LINGO2: variants seen among roughly 807,000 people sequenced by gnomAD.
LINGO2 encodes the protein leucine-rich repeat and immunoglobulin-like domain-containing nogo receptor-interacting protein 2.
LINGO2 carries 14 observed loss-of-function variants against 30.6 expected under a neutral mutation model. The observed-to-expected ratio is 0.46, with a 90% CI of 0.30 to 0.72. The LOEUF is 0.72. Among genes scored for constraint, LINGO2 ranks in the 30% least tolerant of loss-of-function variants. The pLI is 0.07. For synonymous variants in LINGO2, 317 were observed against 288.5 expected (o/e 1.10, Z -1.00); for missense variants, 729 against 751.7 (o/e 0.97, Z 0.35).
chr9:28,880,364 G>A, the LINGO2 span, among the ~76,000 whole-genome samples: 1 of 152,186 alleles, frequency 6.6e-6, no homozygotes, highest in East Asian at 1.9e-4. Flanking sequence ...CCAACCTGGA[G>A]CTCACAAAAA....
In LINGO2 at chr9:28,292,105, T is replaced by C. The variant is rs561725167; in HGVS notation, c.-87+3103A>G. Among the ~76,000 whole-genome samples the C allele has an allele frequency of 3.9e-5, 6 of 152,324 alleles. No individual in the cohort carries two copies. The South Asian group carries it at 1.2e-3, about 32-fold the overall frequency. The stretch of plus-strand genomic sequence containing the variant: ...TTATCCTAAATGAAGCCAAGTGAGT[T>C]ATCTGCATCATTTGATCTGTGGAAG... On this transcript the variant is annotated intron_variant, in intron 4 of 5. Coordinates refer to ENST00000379992, the Ensembl canonical transcript of LINGO2.
the LINGO2 span, among the ~76,000 whole-genome samples, chr9:29,118,537 G>C: frequency 4.7e-4 from 71 of 152,230 alleles, no homozygotes; most frequent in African/African-American, 1.7e-3. Context: ...ATCCAGAGAG[G>C]ACATTGTAGA....
chr9:28,685,827 G>T, the LINGO2 span, among the ~76,000 whole-genome samples: 3 of 152,144 alleles, frequency 2.0e-5, no homozygotes, highest in Admixed American at 6.5e-5. Context: ...CTAGACATAC[G>T]TATTTCCTCA....
chr9:27,970,970 A>G (rs771818775), intron 5 of LINGO2, among the ~76,000 whole-genome samples: 2 of 151,300 alleles, frequency 1.3e-5, no homozygotes, highest in South Asian at 2.1e-4. Context: ...GAGTTTCCCA[A>G]TGTCAAGGAT....
At chr9:28,850,672 T>A in the LINGO2 span, among the ~76,000 whole-genome samples, 10 of 152,116 alleles carry the variant, frequency 6.6e-5, no homozygotes, top group South Asian at 2.1e-3. Flanking sequence ...AAGGTCAATA[T>A]GGAACAAACT....
chr9:29,148,449 T>C, the LINGO2 span, among the ~76,000 whole-genome samples: 9 of 152,142 alleles, frequency 5.9e-5, no homozygotes, highest in African/African-American at 2.2e-4. Flanking sequence ...ATGACAGAGT[T>C]GGAGTTACAC....
intron 4 of LINGO2, among the ~76,000 whole-genome samples, chr9:28,033,764 T>C (rs1388626077): frequency 6.6e-6 from 1 of 152,186 alleles, no homozygotes; most frequent in Non-Finnish European, 1.5e-5. Context: ...ACCAGGATAA[T>C]CTGCTAAATT....
chr9:29,072,611 T>TTATATATATATATTTATATATATATA, the LINGO2 span, among the ~76,000 whole-genome samples: 2 of 140,388 alleles, frequency 1.4e-5, no homozygotes. Flanking sequence ...TGTCTCTCTT[T>TTATATATATATATTTATATATATATA]GATATATATA....
chr9:28,331,140 C>A (rs566056334), intron 3 of LINGO2, among the ~76,000 whole-genome samples: 52 of 152,064 alleles, frequency 3.4e-4, no homozygotes, highest in African/African-American at 8.9e-4. Context: ...TTATTCCTTT[C>A]CAGGTCTCTT....
chr9:28,001,116 C>G (rs1348796629), intron 5 of LINGO2, among the ~76,000 whole-genome samples: 1 of 152,186 alleles, frequency 6.6e-6, no homozygotes, highest in Non-Finnish European at 1.5e-5. Flanking sequence ...TTTTCTTAAT[C>G]TAGTACAGAA....
the LINGO2 span, among the ~76,000 whole-genome samples, chr9:28,890,735 A>G: frequency 2.2e-4 from 33 of 152,198 alleles, no homozygotes; most frequent in African/African-American, 7.5e-4. Flanking sequence ...AAAGTCTCCA[A>G]TTAAAATTCC....
At chr9:29,202,394 T>C in the LINGO2 span, among the ~76,000 whole-genome samples, 1 of 149,910 alleles carries the variant, frequency 6.7e-6, no homozygotes, top group African/African-American at 2.4e-5. Context: ...TGAGTGGCTT[T>C]ATTAGTAAGT....
At chr9:27,951,763 T>C (rs565315339) in intron 5 of LINGO2, among the ~76,000 whole-genome samples, 24 of 152,298 alleles carry the variant, frequency 1.6e-4, no homozygotes, top group Non-Finnish European at 3.2e-4. Flanking sequence ...GAAACAATAC[T>C]TTTAGATAAA....
chr9:28,578,133 G>A (rs919054066), intron 1 of LINGO2, among the ~76,000 whole-genome samples: 11 of 152,192 alleles, frequency 7.2e-5, no homozygotes, highest in Non-Finnish European at 1.3e-4. Flanking sequence ...AATGATGCAA[G>A]ATGGGGCTTA....
At chr9:28,025,045 TTC>T (rs1313717754) in intron 4 of LINGO2, among the ~76,000 whole-genome samples, 1 of 152,204 alleles carries the variant, frequency 6.6e-6, no homozygotes, top group Non-Finnish European at 1.5e-5. Flanking sequence ...ATGTGAGGAT[TTC>T]TTTCACTCAA....
At chr9:28,135,195 T>C (rs1208645471) in intron 4 of LINGO2, among the ~76,000 whole-genome samples, 1 of 152,050 alleles carries the variant, frequency 6.6e-6, no homozygotes, top group Non-Finnish European at 1.5e-5. Flanking sequence ...AAATATTTCA[T>C]CATAGGCTTA....
At chr9:28,672,179 G>A (rs985109034), upstream of LINGO2, among the ~76,000 whole-genome samples, 8 of 152,042 alleles carry the variant, frequency 5.3e-5, no homozygotes, top group Admixed American at 2.6e-4. Context: ...GCAAGAAAGG[G>A]AGCATTCATA....
chr9:28,815,382 T>A, the LINGO2 span, among the ~76,000 whole-genome samples: 1 of 152,174 alleles, frequency 6.6e-6, no homozygotes, highest in Non-Finnish European at 1.5e-5. Context: ...TTAAGCATAA[T>A]TCAAAAGAAA....
the LINGO2 span, among the ~76,000 whole-genome samples, chr9:28,877,622 G>A: frequency 6.6e-6 from 1 of 151,930 alleles, no homozygotes; most frequent in Non-Finnish European, 1.5e-5. Context: ...TCTCTGTTTT[G>A]GTACCAGTAC....
Sources: allele counts gnomAD v4.1 joint callset (sites outside exome capture counted in the v4.1 genomes callset), GRCh38; gene constraint gnomAD v4.1.1; transcripts MANE v1.5; gene names NCBI Gene and HGNC (gene_info 2026-07-23, HGNC 2026-07-21).